SYN3: variants seen among roughly 807,000 people sequenced by gnomAD.
The protein encoded by SYN3 is synapsin-3.
In SYN3, 35 loss-of-function variants were observed where a neutral mutation model predicts 65.8. The ratio of observed to expected loss-of-function variants is 0.53; its 90% CI spans 0.41 to 0.70. The LOEUF (loss-of-function observed/expected upper bound fraction) is 0.70, where lower values mean the gene tolerates loss of function less well. Ranked by LOEUF, SYN3 falls within the 30% of genes least tolerant of loss-of-function variation. SYN3 has a pLI of 0.00. For missense variants in SYN3, 680 were observed against 749.0 expected, an observed-to-expected ratio of 0.91 and a Z score of 1.08; for synonymous variants, 270 against 292.9, an observed-to-expected ratio of 0.92 and a Z score of 0.80.
chr22:32,815,649 AT>A (rs889694100), intron 6 of SYN3, among the ~76,000 whole-genome samples: 1 of 152,214 alleles, frequency 6.6e-6, no homozygotes, highest in Non-Finnish European at 1.5e-5. Context: ...AATAAATTCT[AT>A]TCTTTACTAT....
intron 6 of SYN3, among the ~76,000 whole-genome samples, chr22:32,787,330 G>A (rs928015148): frequency 6.6e-6 from 1 of 152,182 alleles, no homozygotes; most frequent in South Asian, 2.1e-4. Flanking sequence ...TTACAGGCGT[G>A]AGCCACCGCA....
intron 6 of SYN3, among the ~76,000 whole-genome samples, chr22:32,827,808 C>T (rs1209351772): frequency 6.6e-6 from 1 of 152,154 alleles, no homozygotes; most frequent in East Asian, 1.9e-4. Context: ...CTCAAATGCT[C>T]CAGGCTCCAA....
At chr22:32,963,636 T>G (rs2051730509) in intron 3 of SYN3, among the ~76,000 whole-genome samples, 1 of 152,106 alleles carries the variant, frequency 6.6e-6, no homozygotes. Context: ...AGAAACCTTA[T>G]AAATTAATTA....
chr22:33,023,074 G>C (rs1334773150), intron 1 of SYN3, among the ~76,000 whole-genome samples: 1 of 152,136 alleles, frequency 6.6e-6, no homozygotes, highest in Admixed American at 6.5e-5. Flanking sequence ...AAGTGGCCAG[G>C]CATGGTGGTT....
intron 4 of SYN3, among the ~76,000 whole-genome samples, chr22:32,912,802 C>T (rs982818061): frequency 1.2e-4 from 19 of 152,066 alleles, no homozygotes; most frequent in Admixed American, 3.3e-4. Context: ...CAAAACTAGA[C>T]GAAGTTTGTG....
chr22:32,747,365 CTG>C (rs2044969991), intron 6 of SYN3, among the ~76,000 whole-genome samples: 1 of 142,634 alleles, frequency 7.0e-6, no homozygotes, highest in African/African-American at 2.7e-5. Flanking sequence ...GTCCATGGGT[CTG>C]TGTTATTTTC....
At chr22:32,614,487 T>C (rs536272296) in intron 6 of SYN3, among the ~76,000 whole-genome samples, 35 of 152,302 alleles carry the variant, frequency 2.3e-4, no homozygotes, top group African/African-American at 8.4e-4. Context: ...CCCAGTTTTC[T>C]TCATTACACT....
At chr22:32,803,842 G>A (rs955374869) in intron 6 of SYN3, among the ~76,000 whole-genome samples, 33 of 152,110 alleles carry the variant, frequency 2.2e-4, no homozygotes, top group African/African-American at 7.7e-4. Context: ...CTTCACTTGC[G>A]TTTTTTTGGT....
chr22:32,779,181 C>T (rs559628770), intron 6 of SYN3, among the ~76,000 whole-genome samples: 9 of 152,286 alleles, frequency 5.9e-5, no homozygotes, highest in Admixed American at 2.6e-4. Context: ...AGCAACCAGC[C>T]GGGCATGGTG....
At position 32,956,983 on chromosome 22, in the gene SYN3, C is replaced by T. The variant is rs182291886; in HGVS notation, c.369+23662G>A. Reference sequence around the variant, plus strand: ...GATTTTAAGGAAGAGCAAGACAGCCCGTGTGGATGGATCAGAGTAAGCCAG... The same window carrying T: ...GATTTTAAGGAAGAGCAAGACAGCCTGTGTGGATGGATCAGAGTAAGCCAG... On this transcript the variant is annotated intron_variant, in intron 3 of 13. Transcript: ENST00000358763. Among the ~76,000 whole-genome samples the T allele has an allele frequency of 5.3e-5, 8 of 152,172 alleles. No individual in the cohort carries two copies. The East Asian group carries it at 5.8e-4, about 11-fold the overall frequency.
At chr22:32,607,938 T>A (rs1443767373) in intron 6 of SYN3, among the ~76,000 whole-genome samples, 1 of 152,216 alleles carries the variant, frequency 6.6e-6, no homozygotes, top group Non-Finnish European at 1.5e-5. Context: ...GCCACATGGA[T>A]ACACGCAGCT....
At chr22:32,840,493 C>T (rs765506773) in intron 6 of SYN3, among the ~76,000 whole-genome samples, 19 of 152,180 alleles carry the variant, frequency 1.2e-4, no homozygotes, top group Admixed American at 3.3e-4. Context: ...GGCTGCTCGC[C>T]GCTCCCCACC....
At chr22:32,971,680 G>A (rs1224224045) in intron 3 of SYN3, among the ~76,000 whole-genome samples, 1 of 152,180 alleles carries the variant, frequency 6.6e-6, no homozygotes, top group Non-Finnish European at 1.5e-5. Flanking sequence ...GAGTCTTACG[G>A]ATGAATTCTA....
intron 1 of SYN3, among the ~76,000 whole-genome samples, chr22:33,026,249 A>G (rs568454933): frequency 1.6e-4 from 25 of 152,146 alleles, no homozygotes; most frequent in Non-Finnish European, 2.8e-4. Context: ...TCTGTATTTC[A>G]GCTTTGAACC....
chr22:32,724,075 A>C (rs559332077), intron 6 of SYN3, among the ~76,000 whole-genome samples: 2 of 152,346 alleles, frequency 1.3e-5, no homozygotes, highest in African/African-American at 4.8e-5. Context: ...GTATCTGTTA[A>C]AACTGAGGCC....
At chr22:32,979,721 G>A (rs1051241464) in intron 3 of SYN3, among the ~76,000 whole-genome samples, 4 of 152,158 alleles carry the variant, frequency 2.6e-5, no homozygotes. Context: ...TACTGTTCAA[G>A]CACTTTTCAT....
intron 1 of SYN3, among the ~76,000 whole-genome samples, chr22:33,040,099 G>A (rs11089601): frequency 0.18 from 26,844 of 150,280 alleles, 2,663 homozygotes; most frequent in East Asian, 0.42. Flanking sequence ...GCGCGATCTC[G>A]GCTCACTGCC....
At chr22:32,540,636 C>G (rs1445696694) in intron 8 of SYN3, among the ~76,000 whole-genome samples, 1 of 152,244 alleles carries the variant, frequency 6.6e-6, no homozygotes, top group Non-Finnish European at 1.5e-5. Context: ...CCCATGTAAT[C>G]CGTGCTTTGT....
chr22:32,513,477 C>T lies in SYN3; in HGVS notation c.*215G>A. On this transcript the variant is annotated 3_prime_UTR_variant, in exon 14 of 14. Coordinates refer to ENST00000358763, the MANE Select transcript of SYN3 (RefSeq NM_003490.4). Reference sequence around the variant, plus strand: ...CTGTTTTGAGGAACCTGGAGGCTCTCAAAGGCCCACCTCACAGTCAGACAA... The same window carrying T: ...CTGTTTTGAGGAACCTGGAGGCTCTTAAAGGCCCACCTCACAGTCAGACAA... 3 of 585,902 alleles carry T rather than the reference C, an allele frequency of 5.1e-6. No homozygotes were observed. Among genetic ancestry groups the T allele is most frequent in the Non-Finnish European group, 8.2e-6 (3 of 364,500 alleles). The allele number at this position is 585,902 out of a possible 1,614,324, so 36.3% of individuals were successfully genotyped here. A position where few individuals can be genotyped will look rare whatever the true frequency, so the allele number is the denominator to read the frequency against.
Sources: allele counts gnomAD v4.1 joint callset (sites outside exome capture counted in the v4.1 genomes callset), GRCh38; gene constraint gnomAD v4.1.1; transcripts MANE v1.5; gene names NCBI Gene and HGNC (gene_info 2026-07-23, HGNC 2026-07-21).